Variants in UBXN2A observed in about 807,000 individuals in gnomAD.
The protein encoded by UBXN2A is UBX domain protein 2A.
Under a neutral mutation model 28.4 loss-of-function variants are expected in UBXN2A, and 28 were observed. That is an observed-to-expected ratio of 0.99 (90% confidence interval 0.73 to 1.35). The LOEUF (loss-of-function observed/expected upper bound fraction) is 1.35. UBXN2A is among the 40% of genes most tolerant of loss of function. The probability of loss-of-function intolerance (pLI) is 0.00; values close to 1 mark genes in which losing one functional copy is unlikely to be tolerated. For missense variants in UBXN2A, 253 were observed against 297.9 expected, an observed-to-expected ratio of 0.85 and a Z score of 1.11; for synonymous variants, 97 against 103.6, an observed-to-expected ratio of 0.94 and a Z score of 0.39.
intron 1 of UBXN2A, among the ~76,000 whole-genome samples, chr2:23,931,163 G>T (rs1055574440): frequency 6.6e-6 from 1 of 151,578 alleles, no homozygotes; most frequent in Non-Finnish European, 1.5e-5. Flanking sequence ...AAAAAAAAAG[G>T]GGGGCTGGGC....
chr2:23,972,194 G>A (rs72781631), intron 3 of UBXN2A, among the ~76,000 whole-genome samples: 21,796 of 152,164 alleles, frequency 0.14, 1,652 homozygotes, highest in Middle Eastern at 0.21. Flanking sequence ...CACCTTAGCA[G>A]GAATCAAGGC....
In UBXN2A at chr2:23,958,089, T is replaced by A. The variant is rs1265186464; in HGVS notation, c.-14-212T>A. ...AAATGGTATATTATACTTTTTTTCATAATAAGTTTTAAGAAGTCTTTCTTT... is the reference window on the plus strand; with the variant it reads ...AAATGGTATATTATACTTTTTTTCAAAATAAGTTTTAAGAAGTCTTTCTTT... On this transcript the variant is annotated intron_variant, in intron 1 of 6. Transcript: ENST00000309033. 4.6e-5 allele frequency among the ~76,000 whole-genome samples: 7 copies of A among 152,246 alleles called. No homozygotes were observed. In the South Asian group the frequency reaches 1.4e-3, roughly 31 times the overall value.
At chr2:23,971,728 A>T (rs1707430871) in intron 3 of UBXN2A, among the ~76,000 whole-genome samples, 1 of 151,918 alleles carries the variant, frequency 6.6e-6, no homozygotes, top group South Asian at 2.1e-4. Context: ...GGGCTCAAGT[A>T]GTTCTCCTGC....
In UBXN2A at chr2:23,977,038, G is replaced by A. The variant is rs1707696244; in HGVS notation, c.250G>A (p.Gly84Ser). ...CGACGATTTCAGAAGTTATTCCGAT[G>A]GTGCCAGTCAGCAGTTTTTGAACTC... ...VNDDFRSYSD[G>S]ASQQFLNSIK... The change falls in exon 4 of 7, where the codon GGT (glycine) becomes AGT (serine). Residue 84 changes from glycine to serine, a missense_variant. Physicochemically the swap from Gly to Ser is moderately conservative, Grantham distance 56. Transcript: ENST00000309033. 1 of 1,612,522 alleles carries A rather than the reference G, an allele frequency of 6.2e-7. No homozygotes were observed. The highest frequency in any genetic ancestry group is 1.3e-5 in the African/African-American group (1 of 74,868).
intron 1 of UBXN2A, among the ~76,000 whole-genome samples, chr2:23,954,171 C>G (rs1047718093): frequency 2.0e-5 from 3 of 152,176 alleles, no homozygotes; most frequent in African/African-American, 7.2e-5. Flanking sequence ...GTAACTGGTC[C>G]TTCCCCATTC....
chr2:23,996,856 C>T (rs182581240), intron 6 of UBXN2A: 12 of 152,000 alleles, frequency 7.9e-5, no homozygotes, highest in Middle Eastern at 3.4e-3. Context: ...AGGTGCGATC[C>T]CACTACTGAT....
At chr2:23,980,266 C>T (rs1017584171) in intron 4 of UBXN2A, among the ~76,000 whole-genome samples, 1 of 152,096 alleles carries the variant, frequency 6.6e-6, no homozygotes, top group African/African-American at 2.4e-5. Flanking sequence ...CATTTATATA[C>T]AAGTTTTTGT....
At chr2:23,993,435 C>T (rs976851428) in intron 6 of UBXN2A, among the ~76,000 whole-genome samples, 5 of 151,966 alleles carry the variant, frequency 3.3e-5, no homozygotes, top group African/African-American at 1.2e-4. Flanking sequence ...TTGGTAGAGA[C>T]AGGGTCTCAC....
At chr2:23,957,112 T>A (rs1321919965) in intron 1 of UBXN2A, among the ~76,000 whole-genome samples, 1 of 152,196 alleles carries the variant, frequency 6.6e-6, no homozygotes. Flanking sequence ...TTTTCTTATT[T>A]TTTTTTCCTT....
At chr2:23,965,419 A>T (rs1165464159) in intron 2 of UBXN2A, among the ~76,000 whole-genome samples, 2 of 152,168 alleles carry the variant, frequency 1.3e-5, no homozygotes, top group African/African-American at 4.8e-5. Flanking sequence ...GGGTTTTATT[A>T]TGAATGGTTG....
In UBXN2A at chr2:24,004,901, G is replaced by A. The variant is rs980810675; in HGVS notation, c.*5034G>A. The A allele has an allele frequency of 2.0e-5, 3 of 152,154 alleles. No homozygotes were observed. Among genetic ancestry groups the A allele is most frequent in the Admixed American group, 6.5e-5 (1 of 15,272 alleles). The allele number at this position is 152,154 out of a possible 1,614,324, so 9.4% of individuals were successfully genotyped here. On this transcript the variant is annotated 3_prime_UTR_variant, in exon 7 of 7. Transcript: ENST00000309033. ...GAAATACTGTTCATTAAAAGGATCT[G>A]TGAAATCATTTACCCTTGTTATAAA...
At chr2:23,991,436 C>CATATACAT (rs1708349040) in intron 6 of UBXN2A, among the ~76,000 whole-genome samples, 1 of 150,062 alleles carries the variant, frequency 6.7e-6, no homozygotes, top group Non-Finnish European at 1.5e-5. Context: ...CACACATATA[C>CATATACAT]ATATATATAT....
rs1380232431 is a variant in UBXN2A at position 23,982,878 on chromosome 2, CT to C, written c.288-15del. Reference sequence around the variant, plus strand: ...AATACATTGGGAGCTTTATCATTTTCTTTCTTTGTTTTCCAAGGGAATTACC... The same window carrying C: ...AATACATTGGGAGCTTTATCATTTTCTTCTTTGTTTTCCAAGGGAATTACC... On this transcript the variant is annotated splice_polypyrimidine_tract_variant and intron_variant, in intron 4 of 6. Transcript: ENST00000309033. 6.3e-7 allele frequency: 1 copy of C among 1,578,132 alleles called. No homozygotes were observed. The highest frequency in any genetic ancestry group is 1.4e-5 in the African/African-American group (1 of 73,210).
intron 2 of UBXN2A, 109 bp downstream of exon 2, chr2:23,958,464 G>A (rs996156799): frequency 2.9e-6 from 3 of 1,020,792 alleles, no homozygotes; most frequent in Non-Finnish European, 4.1e-6. Context: ...AATTATGTAT[G>A]ACTACTTCAT....
intron 4 of UBXN2A, among the ~76,000 whole-genome samples, chr2:23,982,493 A>G (rs951521655): frequency 1.3e-5 from 2 of 151,890 alleles, no homozygotes; most frequent in Admixed American, 1.3e-4. Context: ...TATTTTAGGT[A>G]CTGCTATAAA....
rs895043035 is a variant in UBXN2A at position 24,000,261 on chromosome 2, C to T, written c.*394C>T. 5.5e-5 allele frequency: 9 copies of T among 163,348 alleles called. No individual in the cohort carries two copies. Among genetic ancestry groups the T allele is most frequent in the Admixed American group, 1.2e-4 (2 of 16,246 alleles). The allele number at this position is 163,348 out of a possible 1,614,324, so 10.1% of individuals were successfully genotyped here. ...TGTCTGAGTTTTTAAATAGCTAATA[C>T]GACCGGGTACAGTGGTTCATGCCTG... On this transcript the variant is annotated 3_prime_UTR_variant, in exon 7 of 7. Transcript: ENST00000309033.
At chr2:23,940,687 G>C (rs1418627522) in intron 1 of UBXN2A, 39 bp downstream of exon 1, 1 of 151,730 alleles carries the variant, frequency 6.6e-6, no homozygotes, top group South Asian at 2.1e-4. Flanking sequence ...GGCGGGGTGA[G>C]GGCGGGGCGG....
upstream of UBXN2A, among the ~76,000 whole-genome samples, chr2:23,938,310 A>G (rs554072411): frequency 6.4e-4 from 98 of 152,218 alleles, no homozygotes; most frequent in South Asian, 5.2e-3. Context: ...TACTAAAAAT[A>G]CAAAAATTAG....
At chr2:23,988,564 A>T (rs999656878) in intron 6 of UBXN2A, among the ~76,000 whole-genome samples, 4 of 152,188 alleles carry the variant, frequency 2.6e-5, no homozygotes, top group African/African-American at 9.6e-5. Context: ...CTCTCATTGT[A>T]TTCCAACAGG....
Sources: allele counts gnomAD v4.1 joint callset (sites outside exome capture counted in the v4.1 genomes callset), GRCh38; gene constraint gnomAD v4.1.1; transcripts MANE v1.5; gene names NCBI Gene and HGNC (gene_info 2026-07-23, HGNC 2026-07-21).